DLGAP5: variants seen among roughly 807,000 people sequenced by gnomAD.
DLGAP5 encodes disks large-associated protein 5.
DLGAP5 carries 90 observed loss-of-function variants against 99.6 expected under a neutral mutation model. That is an observed-to-expected ratio of 0.90 (90% CI 0.76 to 1.08). DLGAP5 has a LOEUF of 1.08. Among genes scored for constraint, DLGAP5 ranks in the 50% least tolerant of loss-of-function variants. DLGAP5 has a pLI of 0.00. For missense variants in DLGAP5, 1,036 were observed against 983.5 expected (o/e 1.05, Z -0.71); for synonymous variants, 311 against 321.3 (o/e 0.97, Z 0.34).
At chr14:55,164,326 G>T (rs989756465) in intron 12 of DLGAP5, among the ~76,000 whole-genome samples, 1 of 151,872 alleles carries the variant, frequency 6.6e-6, no homozygotes, top group Non-Finnish European at 1.5e-5. Context: ...AAAAGTAAAT[G>T]TCAAAATGAC....
chr14:55,151,413 C>T (rs898432633), intron 17 of DLGAP5, among the ~76,000 whole-genome samples: 4 of 152,040 alleles, frequency 2.6e-5, no homozygotes, highest in Middle Eastern at 3.4e-3. Flanking sequence ...ATTAGCTAGG[C>T]GCGGTGGTAC....
In DLGAP5 at chr14:55,183,569, C is replaced by T; in HGVS notation, c.423G>A (p.Glu141=). 13 of 1,548,560 alleles carry T rather than the reference C, an allele frequency of 8.4e-6. No individual in the cohort carries two copies. Among genetic ancestry groups the T allele is most frequent in the Non-Finnish European group, 1.1e-5 (13 of 1,155,068 alleles). ...LLSNQNAVKA[E]PKKAIPSSVR... ...AAGACACTAAATTTACCTTTTTTGG[C>T]TCAGCTTTCACAGCATTCTGGTTTG... Residue 141 remains glutamate, a synonymous_variant, in exon 3 of 19, where the codon GAG becomes GAA. Transcript: ENST00000247191.
Position 55,151,812 on chromosome 14 carries a change from C to T in DLGAP5, c.2251G>A (p.Gly751Arg), listed in dbSNP as rs772079555. Reference protein sequence around the residue: ...KKEGISDVVEGMELNSSITSQ... With the variant: ...KKEGISDVVERMELNSSITSQ... Reference sequence around the variant, plus strand: ...GTAATTGAAGAATTCAGTTCCATTCCTTCCACAACATCTGAAATTCCTTCT... The same window carrying T: ...GTAATTGAAGAATTCAGTTCCATTCTTTCCACAACATCTGAAATTCCTTCT... Residue 751 changes from glycine to arginine, a missense_variant, in exon 17 of 19, where the codon GGA becomes AGA. Gly to Arg is a moderately radical substitution (Grantham distance 125). Transcript: ENST00000247191. 4 of 1,613,834 alleles carry T rather than the reference C, an allele frequency of 2.5e-6. No individual in the cohort carries two copies. Among genetic ancestry groups the T allele is most frequent in the African/African-American group, 2.7e-5 (2 of 74,882 alleles).
rs1365668021 is a variant in DLGAP5 at position 55,188,975 on chromosome 14, CTTG to C, written c.202_204del (p.Gln68del). 5.0e-6 allele frequency: 8 copies of C among 1,613,638 alleles called. No homozygotes were observed. Among genetic ancestry groups the C allele is most frequent in the Non-Finnish European group, 6.8e-6 (8 of 1,179,890 alleles). ...ACATTGGTCTTTTCTGGAACAAGCC[CTTG>C]AGATGTCTCATCTAATTCAACAAGA... On this transcript the variant is annotated inframe_deletion, in exon 2 of 19. Coordinates refer to ENST00000247191, the MANE Select transcript of DLGAP5 (RefSeq NM_014750.5).
intron 17 of DLGAP5, among the ~76,000 whole-genome samples, 169 bp downstream of exon 17, chr14:55,151,523 CAAA>C (rs55878559): frequency 2.0e-5 from 3 of 146,358 alleles, no homozygotes; most frequent in Non-Finnish European, 3.0e-5. Context: ...GACTCCATCT[CAAA>C]AAAAAAAAAA....
chr14:55,150,363 G>A (rs1280508605), intron 18 of DLGAP5: 1 of 156,054 alleles, frequency 6.4e-6, no homozygotes, highest in African/African-American at 2.4e-5. Context: ...CAAAAGGGCT[G>A]TTTGAACTAG....
intron 15 of DLGAP5, among the ~76,000 whole-genome samples, chr14:55,153,696 T>C (rs1434730532): frequency 6.6e-6 from 1 of 152,198 alleles, no homozygotes; most frequent in Non-Finnish European, 1.5e-5. Flanking sequence ...ATCCAAAACA[T>C]TTTTAAAGAG....
intron 13 of DLGAP5, among the ~76,000 whole-genome samples, chr14:55,159,683 G>GTA (rs1366339709): frequency 2.6e-5 from 4 of 152,208 alleles, no homozygotes; most frequent in Non-Finnish European, 5.9e-5. Context: ...GATTTTTAAG[G>GTA]TATATTGAGT....
intron 3 of DLGAP5, among the ~76,000 whole-genome samples, chr14:55,182,876 C>T (rs1566508144): frequency 1.3e-5 from 2 of 152,206 alleles, no homozygotes; most frequent in East Asian, 1.9e-4. Flanking sequence ...TATCCTAAAT[C>T]GACATCTTAG....
intron 14 of DLGAP5, among the ~76,000 whole-genome samples, chr14:55,155,102 G>A (rs987781239): frequency 2.6e-5 from 4 of 152,092 alleles, no homozygotes; most frequent in Non-Finnish European, 5.9e-5. Context: ...TCGGCTCACT[G>A]CAACCTCCGC....
At chr14:55,164,570 T>C (rs915489490) in intron 12 of DLGAP5, among the ~76,000 whole-genome samples, 1 of 152,052 alleles carries the variant, frequency 6.6e-6, no homozygotes, top group East Asian at 1.9e-4. Flanking sequence ...GAGAAAATCT[T>C]TGTGACTTGT....
intron 18 of DLGAP5, chr14:55,148,784 CA>C (rs2140300925): frequency 1.0e-5 from 4 of 392,116 alleles, no homozygotes; most frequent in South Asian, 9.2e-5. Flanking sequence ...GATCTTATTT[CA>C]AATGTATATT....
intron 13 of DLGAP5, 82 bp downstream of exon 13, chr14:55,162,889 A>T (rs1373847388): frequency 1.8e-6 from 1 of 562,170 alleles, no homozygotes; most frequent in South Asian, 3.8e-5. Flanking sequence ...AAGTAGAAGA[A>T]TCTATATTAG....
chr14:55,169,110 A>G (rs1882752827), intron 12 of DLGAP5, among the ~76,000 whole-genome samples: 1 of 148,354 alleles, frequency 6.7e-6, no homozygotes, highest in Non-Finnish European at 1.5e-5. Context: ...TGGGGGGCAG[A>G]GACAGCAGTG....
chr14:55,164,456 T>C (rs888335696), intron 12 of DLGAP5, among the ~76,000 whole-genome samples: 1 of 152,124 alleles, frequency 6.6e-6, no homozygotes, highest in Non-Finnish European at 1.5e-5. Flanking sequence ...AGCAAAAAGA[T>C]GAATTTAGAC....
chr14:55,165,937 C>T (rs1377752101), intron 12 of DLGAP5, among the ~76,000 whole-genome samples: 1 of 152,174 alleles, frequency 6.6e-6, no homozygotes, highest in African/African-American at 2.4e-5. Flanking sequence ...AAACAGAACA[C>T]TCATACATTG....
At chr14:55,180,090 T>C (rs1883223667) in intron 6 of DLGAP5, among the ~76,000 whole-genome samples, 1 of 152,144 alleles carries the variant, frequency 6.6e-6, no homozygotes, top group Admixed American at 6.6e-5. Flanking sequence ...TTCATGTCAA[T>C]GCTCAGAATT....
intron 10 of DLGAP5, 36 bp from the exon 11 acceptor site, chr14:55,170,823 G>T (rs1555328751): frequency 6.8e-6 from 10 of 1,478,108 alleles, no homozygotes; most frequent in Admixed American, 1.7e-5. Flanking sequence ...TCTACAAGTG[G>T]TTTTTACACT....
rs969973842 is a variant in DLGAP5, at chr14:55,148,442, T to G, written c.2450A>C (p.Gln817Pro). ...PGLNCSNPFT[Q>P]LERRHQEHAR... is the part of the protein sequence containing the mutation. ...ATGTTCTTGATGTCTCCTCTCCAGC[T>G]GAGTAAATGGATTACTGCAGTTTAG... Residue 817 changes from glutamine (Q) to proline (P), a missense_variant, in exon 19 of 19, where the codon CAG becomes CCG. By Grantham distance (76) the Gln-to-Pro change is moderately conservative. Transcript: ENST00000247191. The G allele has an allele frequency of 1.2e-6, 2 of 1,614,068 alleles. No homozygotes were observed. The highest frequency in any genetic ancestry group is 1.7e-6 in the Non-Finnish European group (2 of 1,180,030).
Sources: allele counts gnomAD v4.1 joint callset (sites outside exome capture counted in the v4.1 genomes callset), GRCh38; gene constraint gnomAD v4.1.1; transcripts MANE v1.5; gene names NCBI Gene and HGNC (gene_info 2026-07-23, HGNC 2026-07-21).